The following MACROD2 variants were observed in gnomAD, a reference collection of about 807,000 sequenced individuals.
MACROD2 encodes the protein ADP-ribose glycohydrolase MACROD2.
MACROD2 carries 36 observed loss-of-function variants against 70.4 expected under a neutral mutation model. The ratio of observed to expected loss-of-function variants is 0.51; its 90% confidence interval spans 0.39 to 0.68. The LOEUF is 0.68. Among genes scored for constraint, MACROD2 ranks in the 30% least tolerant of loss-of-function variants. The pLI, the probability that MACROD2 is intolerant of heterozygous loss-of-function variation, is 0.00. For missense variants in MACROD2, 496 were observed against 538.4 expected, an observed-to-expected ratio of 0.92 and a Z score of 0.78; for synonymous variants, 172 against 178.8, an observed-to-expected ratio of 0.96 and a Z score of 0.30.
At chr20:14,107,620 G>A (rs575588876) in intron 3 of MACROD2, among the ~76,000 whole-genome samples, 1 of 152,050 alleles carries the variant, frequency 6.6e-6, no homozygotes, top group Non-Finnish European at 1.5e-5. Flanking sequence ...GATAGGGAAA[G>A]GATCCTAAAA....
chr20:15,666,078 T>G (rs1886250663), intron 8 of MACROD2, among the ~76,000 whole-genome samples: 1 of 152,186 alleles, frequency 6.6e-6, no homozygotes, highest in Admixed American at 6.5e-5. Flanking sequence ...GGTAGTTAAA[T>G]TATGTTTTAA....
chr20:15,883,200 CCTTT>C (rs1415853217), intron 9 of MACROD2, among the ~76,000 whole-genome samples: 1 of 151,992 alleles, frequency 6.6e-6, no homozygotes. Context: ...TTTGACTCTT[CCTTT>C]ATTTTTCCCC....
rs146373256 is a variant in MACROD2, at chr20:16,025,669, A to G, written c.1154-15532A>G. Among the ~76,000 whole-genome samples, 190 of 152,282 alleles carry G rather than the reference A, an allele frequency of 1.2e-3. 1 individual carries two copies. The highest frequency in any genetic ancestry group is 0.011 in the East Asian group (55 of 5,172). On this transcript the variant is annotated intron_variant, in intron 15 of 17. Coordinates refer to ENST00000684519, the MANE Select transcript of MACROD2 (RefSeq NM_001351661.2). ...CAACTGCTGTGGATTGACCTCTGCC[A>G]TTACTGCTGGGACCCCAGGCCCTCT...
At chr20:14,894,171 C>CTGAT (rs1232984144) in intron 5 of MACROD2, 1 of 152,012 alleles carries the variant, frequency 6.6e-6, no homozygotes, top group East Asian at 1.9e-4. Context: ...TTCTATAATA[C>CTGAT]TGATAGAATC....
chr20:14,767,954 G>A (rs1205559191), intron 5 of MACROD2, among the ~76,000 whole-genome samples: 1 of 151,972 alleles, frequency 6.6e-6, no homozygotes, highest in South Asian at 2.1e-4. Flanking sequence ...CCATGTCCCT[G>A]CAAGGACATG....
intron 8 of MACROD2, among the ~76,000 whole-genome samples, chr20:15,750,917 T>G (rs2051259818): frequency 6.7e-6 from 1 of 148,970 alleles, no homozygotes; most frequent in South Asian, 2.1e-4. Context: ...TAAGAGGTGT[T>G]TTTTTGTTTG....
At chr20:14,144,189 A>G (rs2054914175) in intron 3 of MACROD2, among the ~76,000 whole-genome samples, 1 of 152,156 alleles carries the variant, frequency 6.6e-6, no homozygotes, top group Admixed American at 6.5e-5. Flanking sequence ...ATATAAAGAC[A>G]TATTTTTTTC....
At chr20:15,386,365 G>A (rs1211322659) in intron 6 of MACROD2, among the ~76,000 whole-genome samples, 2 of 152,160 alleles carry the variant, frequency 1.3e-5, no homozygotes, top group East Asian at 1.9e-4. Context: ...TTGGGAGGGA[G>A]TTTAAAAATA....
intron 8 of MACROD2, among the ~76,000 whole-genome samples, chr20:15,508,731 C>A (rs1024598228): frequency 1.1e-4 from 16 of 152,152 alleles, no homozygotes; most frequent in African/African-American, 3.6e-4. Flanking sequence ...CATGGGATTT[C>A]TTTGCCACCT....
chr20:15,972,133 T>G (rs771872428), intron 13 of MACROD2, among the ~76,000 whole-genome samples: 7 of 151,990 alleles, frequency 4.6e-5, no homozygotes, highest in Non-Finnish European at 1.0e-4. Flanking sequence ...AAGAAAAGAT[T>G]AATGAACTTG....
intron 8 of MACROD2, among the ~76,000 whole-genome samples, chr20:15,732,871 A>T (rs2050965777): frequency 1.3e-5 from 2 of 151,952 alleles, no homozygotes; most frequent in African/African-American, 4.8e-5. Context: ...CAACTGGTAT[A>T]ATTTCTTCCT....
intron 3 of MACROD2, among the ~76,000 whole-genome samples, chr20:14,383,713 G>A (rs1041533233): frequency 6.6e-6 from 1 of 152,124 alleles, no homozygotes; most frequent in African/African-American, 2.4e-5. Flanking sequence ...GAGAAATTGT[G>A]TTGACTTTGT....
At chr20:15,041,558 A>C (rs1363513792) in intron 5 of MACROD2, among the ~76,000 whole-genome samples, 2 of 151,924 alleles carry the variant, frequency 1.3e-5, no homozygotes, top group Non-Finnish European at 2.9e-5. Context: ...CAGTCTCCTG[A>C]GTAGCTGAGA....
intron 2 of MACROD2, among the ~76,000 whole-genome samples, chr20:14,050,632 C>G (rs1374310494): frequency 6.6e-6 from 1 of 151,998 alleles, no homozygotes; most frequent in Non-Finnish European, 1.5e-5. Flanking sequence ...AAAAACTGAC[C>G]CCTGGAAAGT....
chr20:15,827,585 A>G (rs1469558706), intron 8 of MACROD2, among the ~76,000 whole-genome samples: 1 of 152,206 alleles, frequency 6.6e-6, no homozygotes, highest in Non-Finnish European at 1.5e-5. Flanking sequence ...AAGAAGAATA[A>G]ATATTATTCT....
At chr20:14,688,858 G>A (rs1285230791) in intron 5 of MACROD2, among the ~76,000 whole-genome samples, 1 of 152,158 alleles carries the variant, frequency 6.6e-6, no homozygotes, top group South Asian at 2.1e-4. Flanking sequence ...ATAAATGAAG[G>A]ATCAGACGAG....
At chr20:14,729,473 A>G (rs550134268) in intron 5 of MACROD2, among the ~76,000 whole-genome samples, 1 of 152,152 alleles carries the variant, frequency 6.6e-6, no homozygotes, top group Non-Finnish European at 1.5e-5. Context: ...TGAGAGCTGG[A>G]ATCTGAATAC....
At chr20:15,534,412 C>A (rs2047846260) in intron 8 of MACROD2, among the ~76,000 whole-genome samples, 1 of 152,070 alleles carries the variant, frequency 6.6e-6, no homozygotes, top group African/African-American at 2.4e-5. Flanking sequence ...TTAAAATATC[C>A]ACATTGACCC....
At chr20:15,969,008 A>G (rs2066188518) in intron 13 of MACROD2, among the ~76,000 whole-genome samples, 1 of 151,836 alleles carries the variant, frequency 6.6e-6, no homozygotes. Context: ...ATTCTACAGA[A>G]GGTGTCTGGA....
Sources: gnomAD v4.1 joint callset for allele counts (sites outside exome capture counted in the v4.1 genomes callset) on GRCh38, gnomAD v4.1.1 for gene constraint, MANE v1.5 for transcripts, NCBI Gene and HGNC (gene_info 2026-07-23, HGNC 2026-07-21) for gene names.